The following GUCY1A1 variants were observed in gnomAD, a reference collection of about 807,000 sequenced individuals.
GUCY1A1 encodes the protein guanylate cyclase 1 soluble subunit alpha 1.
In GUCY1A1, 48 loss-of-function variants were observed where a neutral mutation model predicts 64.5. The observed-to-expected ratio is 0.74, with a 90% CI of 0.59 to 0.95. GUCY1A1 has a LOEUF of 0.95. Among genes scored for constraint, GUCY1A1 ranks in the 40% least tolerant of loss-of-function variants. The pLI, the probability that GUCY1A1 is intolerant of heterozygous loss-of-function variation, is 0.00. For missense variants in GUCY1A1, 804 were observed against 825.3 expected, an observed-to-expected ratio of 0.97 and a Z score of 0.32; for synonymous variants, 308 against 303.4, an observed-to-expected ratio of 1.02 and a Z score of -0.16.
At chr4:155,679,985 G>T (rs912733061) in intron 2 of GUCY1A1, among the ~76,000 whole-genome samples, 1 of 152,026 alleles carries the variant, frequency 6.6e-6, no homozygotes, top group South Asian at 2.1e-4. Context: ...TTTGAAGCAG[G>T]TATATAAGTC....
chr4:155,720,256 A>G (rs1579111778), intron 8 of GUCY1A1, among the ~76,000 whole-genome samples: 1 of 152,272 alleles, frequency 6.6e-6, no homozygotes, highest in East Asian at 1.9e-4. Context: ...GTTTAACCAG[A>G]AGAGTGCTCA....
chr4:155,723,416 G>A (rs1734227047), intron 9 of GUCY1A1, among the ~76,000 whole-genome samples: 1 of 152,016 alleles, frequency 6.6e-6, no homozygotes, highest in South Asian at 2.1e-4. Context: ...CTACCATTTT[G>A]TTATCACTTA....
chr4:155,731,978 A>C lies in GUCY1A1; in HGVS notation c.*1747A>C, dbSNP rs943550989. 1.3e-5 allele frequency: 2 copies of C among 151,236 alleles called. No individual in the cohort carries two copies. Among genetic ancestry groups the C allele is most frequent in the Admixed American group, 1.3e-4 (2 of 15,118 alleles). The allele number at this position is 151,236 out of a possible 1,614,324, so 9.4% of individuals were successfully genotyped here. Reference sequence around the variant, plus strand: ...CTTGAGAAAGTATAGTTACATCCTCACAAATATATGAAGTTAAGTCACTAC... The same window carrying C: ...CTTGAGAAAGTATAGTTACATCCTCCCAAATATATGAAGTTAAGTCACTAC... On this transcript the variant is annotated 3_prime_UTR_variant, in exon 10 of 10. Transcript: ENST00000506455.
rs755835068 is a variant in GUCY1A1, at chr4:155,711,006, C to G, written c.841C>G (p.Leu281Val). 6.2e-7 allele frequency: 1 copy of G among 1,613,884 alleles called. No homozygotes were observed. Among genetic ancestry groups the G allele is most frequent in the Admixed American group, 1.7e-5 (1 of 60,014 alleles). The change falls in exon 6 of 10, where the codon CTA becomes GTA. Residue 281 changes from leucine to valine, a missense_variant. Transcript: ENST00000506455. ...GTCCTCGCTGGTGATTCCCACATCG[C>G]TATTCTGCAAGACATTTCCATTCCA... is the stretch of plus-strand genomic sequence containing the variant. ...PQSSLVIPTS[L>V]FCKTFPFHFM...
At chr4:155,709,072 A>G (rs1732186441) in intron 5 of GUCY1A1, among the ~76,000 whole-genome samples, 1 of 152,238 alleles carries the variant, frequency 6.6e-6, no homozygotes, top group Admixed American at 6.5e-5. Flanking sequence ...TTTAATAAAC[A>G]AATTTAAAAA....
intron 7 of GUCY1A1, among the ~76,000 whole-genome samples, chr4:155,715,168 A>C (rs1186389371): frequency 7.7e-6 from 1 of 129,516 alleles, no homozygotes; most frequent in East Asian, 2.3e-4. Flanking sequence ...GCCAGCCCTC[A>C]TTTCTACTTT....
chr4:155,712,913 T>C (rs538522897), intron 6 of GUCY1A1, among the ~76,000 whole-genome samples, 185 bp from the exon 7 acceptor site: 23 of 152,232 alleles, frequency 1.5e-4, no homozygotes, highest in Admixed American at 1.2e-3. Flanking sequence ...TACTCTAATA[T>C]ACTCTTCAAA....
At chr4:155,698,674 TCAA>T (rs779059942) in intron 3 of GUCY1A1, among the ~76,000 whole-genome samples, 3 of 152,156 alleles carry the variant, frequency 2.0e-5, no homozygotes, top group Non-Finnish European at 2.9e-5. Flanking sequence ...AGACTCTGTC[TCAA>T]CAACAACAAC....
chr4:155,720,258 G>C (rs11947294), intron 8 of GUCY1A1, among the ~76,000 whole-genome samples: 26,333 of 152,030 alleles, frequency 0.17, 2,439 homozygotes, highest in Middle Eastern at 0.23. Flanking sequence ...TTAACCAGAA[G>C]AGTGCTCACA....
rs917506884 is a variant in GUCY1A1 at position 155,666,869 on chromosome 4, A to C, written c.-283A>C. On this transcript the variant is annotated 5_prime_UTR_variant, in exon 1 of 10. Coordinates refer to ENST00000506455, the MANE Select transcript of GUCY1A1 (RefSeq NM_001130682.3). ...TCCTACACTTTTCCTGCGCTAGAGC[A>C]GCGAGCAGCCTGGAACAGACCCAGG... 3 of 152,278 alleles carry C rather than the reference A, an allele frequency of 2.0e-5. No homozygotes were observed. Among genetic ancestry groups the C allele is most frequent in the African/African-American group, 7.2e-5 (3 of 41,438 alleles). 9.4% of individuals were successfully genotyped at this position (152,278 alleles called of 1,614,324 possible). A position where few individuals can be genotyped will look rare whatever the true frequency, so the allele number is the denominator to read the frequency against.
At position 155,731,554 on chromosome 4, in the gene GUCY1A1, T is replaced by C. The variant is rs1336710062; in HGVS notation, c.*1323T>C. 1 of 151,852 alleles carries C rather than the reference T, an allele frequency of 6.6e-6. No individual in the cohort carries two copies. The highest frequency in any genetic ancestry group is 1.5e-5 in the Non-Finnish European group (1 of 67,838). 9.4% of individuals were successfully genotyped at this position (151,852 alleles called of 1,614,324 possible). On this transcript the variant is annotated 3_prime_UTR_variant, in exon 10 of 10. Coordinates refer to ENST00000506455, the MANE Select transcript of GUCY1A1 (RefSeq NM_001130682.3). ...AAACATTTAAGCAGCTAGGAACTTT[T>C]AGTTTTAGTTAGGTCAGTTGAAGTT...
intron 9 of GUCY1A1, 145 bp from the exon 10 acceptor site, chr4:155,729,885 C>G (rs1735319991): frequency 3.4e-6 from 2 of 580,512 alleles, no homozygotes; most frequent in South Asian, 2.3e-5. Context: ...GGGAAGATGT[C>G]TGTTAATCTC....
chr4:155,675,977 C>T (rs1734855900), intron 2 of GUCY1A1, among the ~76,000 whole-genome samples: 1 of 151,448 alleles, frequency 6.6e-6, no homozygotes, highest in African/African-American at 2.5e-5. Flanking sequence ...GTCCTAAGGC[C>T]TAAATCTCCT....
At position 155,696,963 on chromosome 4, in the gene GUCY1A1, G is replaced by A. The variant is rs1730495022; in HGVS notation, c.96G>A (p.Glu32=). ...AAGTTCCTAACGAGTCTTCAGAGGA[G>A]GCAGCAGGAAGCTCAGAGAGCTGCA... ...PGQVPNESSE[E]AAGSSESCKA... is the part of the protein sequence containing the mutation. The change falls in exon 3 of 10, where the codon GAG becomes GAA. Residue 32 remains glutamate (E), a synonymous_variant. Transcript: ENST00000506455. The A allele has an allele frequency of 1.5e-5, 25 of 1,613,534 alleles. No homozygotes were observed. The highest frequency in any genetic ancestry group is 1.9e-5 in the Non-Finnish European group (23 of 1,179,506).
chr4:155,701,475 G>T (rs1362454371), intron 3 of GUCY1A1, among the ~76,000 whole-genome samples: 2 of 152,080 alleles, frequency 1.3e-5, no homozygotes, highest in Non-Finnish European at 2.9e-5. Flanking sequence ...CAGTAGGAAG[G>T]AAATGAAAGA....
intron 2 of GUCY1A1, among the ~76,000 whole-genome samples, chr4:155,675,047 T>C (rs1250587776): frequency 1.3e-5 from 2 of 151,514 alleles, no homozygotes; most frequent in Non-Finnish European, 2.9e-5. Flanking sequence ...TTCAGCCCCA[T>C]TATAAACATA....
intron 7 of GUCY1A1, among the ~76,000 whole-genome samples, chr4:155,715,023 A>T (rs1733048769): frequency 6.6e-6 from 1 of 152,220 alleles, no homozygotes; most frequent in Non-Finnish European, 1.5e-5. Flanking sequence ...TATCAAGGAT[A>T]TAGGGTATAG....
chr4:155,709,041 CA>C (rs1186196714), intron 5 of GUCY1A1, among the ~76,000 whole-genome samples: 1 of 151,926 alleles, frequency 6.6e-6, no homozygotes, highest in East Asian at 1.9e-4. Context: ...GGCATTTTGC[CA>C]ACAAAAATAG....
In GUCY1A1 at chr4:155,734,133, G is replaced by A. The variant is rs1735830864; in HGVS notation, c.*3902G>A. On this transcript the variant is annotated 3_prime_UTR_variant, in exon 10 of 10. Transcript: ENST00000506455. ...AGCTCTGTCTCAGGTTAGGTTAAAA[G>A]AAGGCATAGGATGGAAGAGGGTGGT... is the stretch of plus-strand genomic sequence containing the variant. 1.3e-5 allele frequency among the ~76,000 whole-genome samples: 2 copies of A among 151,930 alleles called. No homozygotes were observed. Among genetic ancestry groups the A allele is most frequent in the African/African-American group, 2.4e-5 (1 of 41,398 alleles).
Sources: allele counts gnomAD v4.1 joint callset (sites outside exome capture counted in the v4.1 genomes callset), GRCh38; gene constraint gnomAD v4.1.1; transcripts MANE v1.5; gene names NCBI Gene and HGNC (gene_info 2026-07-23, HGNC 2026-07-21).